OTUD3: variants seen among roughly 807,000 people sequenced by gnomAD.
OTUD3 encodes OTU domain-containing protein 3.
In OTUD3, 24 loss-of-function variants were observed where a neutral mutation model predicts 46.2. The ratio of observed to expected loss-of-function variants is 0.52; its 90% CI spans 0.38 to 0.73. The LOEUF (loss-of-function observed/expected upper bound fraction) is 0.73, where lower values mean the gene tolerates loss of function less well. Among genes scored for constraint, OTUD3 ranks in the 30% least tolerant of loss-of-function variants. The probability of loss-of-function intolerance (pLI) is 0.00; values close to 1 mark genes in which losing one functional copy is unlikely to be tolerated. For synonymous variants in OTUD3, 189 were observed against 195.4 expected (o/e 0.97, Z 0.27); for missense variants, 455 against 523.3 (o/e 0.87, Z 1.27).
chr1:19,899,085 A>G (rs1306838167), intron 4 of OTUD3, among the ~76,000 whole-genome samples: 1 of 152,202 alleles, frequency 6.6e-6, no homozygotes, highest in African/African-American at 2.4e-5. Flanking sequence ...TGTTGGGATT[A>G]CAGGTGTGAG....
At chr1:19,906,317 CT>C in intron 6 of OTUD3, 114 bp from the exon 7 acceptor site, 1 of 846,514 alleles carries the variant, frequency 1.2e-6, no homozygotes, top group Non-Finnish European at 1.7e-6. Flanking sequence ...CTCAAGGAAA[CT>C]TACTTCCCTT....
At chr1:19,897,863 T>A in intron 4 of OTUD3, 1 of 470,238 alleles carries the variant, frequency 2.1e-6, no homozygotes, top group Non-Finnish European at 3.7e-6. Flanking sequence ...TTTTGCTTTT[T>A]CTGATAGTTG....
intron 4 of OTUD3, among the ~76,000 whole-genome samples, chr1:19,899,723 C>T (rs188254485): frequency 1.6e-4 from 24 of 152,340 alleles, no homozygotes; most frequent in African/African-American, 5.5e-4. Flanking sequence ...CAATATGTGG[C>T]TCTTTTCCTG....
At position 19,894,469 on chromosome 1, in the gene OTUD3, C is replaced by T. The variant is rs1175353265; in HGVS notation, c.472C>T (p.Pro158Ser). Residue 158 changes from proline to serine, a missense_variant, in exon 3 of 8, where the codon CCT (proline) becomes TCT (serine). By Grantham distance (74) the Pro-to-Ser change is moderately conservative (BLOSUM62 -1). Coordinates refer to ENST00000375120, the MANE Select transcript of OTUD3 (RefSeq NM_015207.2). ...TGTAGTGATTCATCAACTTAATGCC[C>T]CTTTGTGGCAGGTAGGTCACCTATT... Reference protein sequence around the residue: ...LNVVIHQLNAPLWQIRGTEKS... With the variant: ...LNVVIHQLNASLWQIRGTEKS... 6.3e-7 allele frequency: 1 copy of T among 1,580,202 alleles called. No individual in the cohort carries two copies. Among genetic ancestry groups the T allele is most frequent in the Non-Finnish European group, 8.7e-7 (1 of 1,155,254 alleles).
Position 19,894,490 on chromosome 1 carries a change from C to G in OTUD3, c.483+10C>G, listed in dbSNP as rs762524755. ...TGCCCCTTTGTGGCAGGTAGGTCAC[C>G]TATTTAAACATTTATCTTAAGCTCT... On this transcript the variant is annotated intron_variant, in intron 3 of 7. Transcript: ENST00000375120. 1.4e-6 allele frequency: 2 copies of G among 1,454,540 alleles called. No homozygotes were observed. The highest frequency in any genetic ancestry group is 1.9e-6 in the Non-Finnish European group (2 of 1,044,984). 90.1% of individuals were successfully genotyped at this position (1,454,540 alleles called of 1,614,324 possible).
intron 3 of OTUD3, 28 bp from the exon 4 acceptor site, chr1:19,897,512 C>T: frequency 1.9e-6 from 3 of 1,612,192 alleles, no homozygotes; most frequent in Non-Finnish European, 2.5e-6. Flanking sequence ...CAGATCCTCA[C>T]TGGCATGGCC....
At chr1:19,904,124 T>A (rs964718506) in intron 4 of OTUD3, 143 bp from the exon 5 acceptor site, 8 of 509,934 alleles carry the variant, frequency 1.6e-5, no homozygotes, top group African/African-American at 1.6e-4. Flanking sequence ...TGGAGCCTAG[T>A]CATTGCTGTT....
intron 4 of OTUD3, among the ~76,000 whole-genome samples, chr1:19,903,373 A>G (rs2045618505): frequency 6.6e-6 from 1 of 151,918 alleles, no homozygotes; most frequent in South Asian, 2.1e-4. Flanking sequence ...TCTCTATTTG[A>G]TATTATTTCC....
chr1:19,883,033 G>A (rs1274996206), intron 1 of OTUD3, among the ~76,000 whole-genome samples: 1 of 152,266 alleles, frequency 6.6e-6, no homozygotes, highest in African/African-American at 2.4e-5. Flanking sequence ...GCCAGGAAGG[G>A]CTCTCTCAAA....
chr1:19,887,969 A>G (rs566177468), intron 1 of OTUD3, among the ~76,000 whole-genome samples: 11 of 152,204 alleles, frequency 7.2e-5, no homozygotes, highest in Admixed American at 2.6e-4. Context: ...TGCGCACTCA[A>G]AACATTTGCG....
At chr1:19,897,811 CTTAG>C in intron 4 of OTUD3, 149 bp downstream of exon 4, 1 of 777,038 alleles carries the variant, frequency 1.3e-6, no homozygotes, top group Middle Eastern at 3.9e-4. Flanking sequence ...TTTTTTATTT[CTTAG>C]TTTAGGTGAG....
intron 3 of OTUD3, among the ~76,000 whole-genome samples, chr1:19,896,509 C>G (rs1036811667): frequency 6.6e-6 from 1 of 152,160 alleles, no homozygotes; most frequent in Non-Finnish European, 1.5e-5. Context: ...CTAAACCAGA[C>G]TCTCTGCACT....
Position 19,882,705 on chromosome 1 carries a change from G to A in OTUD3, c.192G>A (p.Gly64=), listed in dbSNP as rs2045287646. ...VSFANQLQAL[G]LKLREVPGDG... ...TCGCCAACCAGCTGCAGGCCCTGGG[G>A]CTGAAGCTGCGGGAGGTGCCGGGGG... The change falls in exon 1 of 8, where the codon GGG becomes GGA. Residue 64 remains glycine, a synonymous_variant. Coordinates refer to ENST00000375120, the MANE Select transcript of OTUD3 (RefSeq NM_015207.2). 1 of 1,408,870 alleles carries A rather than the reference G, an allele frequency of 7.1e-7. No individual in the cohort carries two copies. Among genetic ancestry groups the A allele is most frequent in the Non-Finnish European group, 9.3e-7 (1 of 1,080,472 alleles). 87.3% of individuals were successfully genotyped at this position (1,408,870 alleles called of 1,614,324 possible).
intron 6 of OTUD3, among the ~76,000 whole-genome samples, chr1:19,905,437 CAG>C (rs1238995128): frequency 6.6e-6 from 1 of 151,158 alleles, no homozygotes; most frequent in Non-Finnish European, 1.5e-5. Flanking sequence ...TTTTGTGACT[CAG>C]AGGAAAGAAA....
intron 4 of OTUD3, 173 bp downstream of exon 4, chr1:19,897,835 T>G: frequency 4.8e-5 from 24 of 496,396 alleles, no homozygotes; most frequent in East Asian, 7.3e-5. Flanking sequence ...GAGTGATAGA[T>G]AAAATTGCTT....
At chr1:19,884,489 A>G (rs1029164874) in intron 1 of OTUD3, among the ~76,000 whole-genome samples, 2 of 152,242 alleles carry the variant, frequency 1.3e-5, no homozygotes. Context: ...TTCATAGCCT[A>G]AGGTAGAAAC....
intron 4 of OTUD3, chr1:19,897,867 A>G (rs1463261804): frequency 2.2e-6 from 1 of 448,820 alleles, no homozygotes; most frequent in Non-Finnish European, 3.9e-6. Flanking sequence ...GCTTTTTCTG[A>G]TAGTTGATAG....
intron 2 of OTUD3, among the ~76,000 whole-genome samples, chr1:19,892,443 A>G (rs2045459668): frequency 6.6e-6 from 1 of 152,152 alleles, no homozygotes; most frequent in Non-Finnish European, 1.5e-5. Flanking sequence ...CATCTGGTAG[A>G]CATTCATAAA....
chr1:19,898,684 C>G (rs1351258478), intron 4 of OTUD3, among the ~76,000 whole-genome samples: 1 of 150,006 alleles, frequency 6.7e-6, no homozygotes, highest in Non-Finnish European at 1.5e-5. Context: ...GTCGACATAG[C>G]ACCATTGCAC....
Sources: allele counts gnomAD v4.1 joint callset (sites outside exome capture counted in the v4.1 genomes callset), GRCh38; gene constraint gnomAD v4.1.1; transcripts MANE v1.5; gene names NCBI Gene and HGNC (gene_info 2026-07-23, HGNC 2026-07-21).